Variants in SLC24A2 observed in about 807,000 individuals in gnomAD.
The protein encoded by SLC24A2 is solute carrier family 24 member 2, also known as sodium/potassium/calcium exchanger 2.
Under a neutral mutation model 62.0 loss-of-function variants are expected in SLC24A2, and 36 were observed. The observed-to-expected ratio is 0.58, with a 90% CI of 0.44 to 0.77. The LOEUF is 0.77. Among genes scored for constraint, SLC24A2 ranks in the 30% least tolerant of loss-of-function variants. The probability of loss-of-function intolerance (pLI) is 0.00; values close to 1 mark genes in which losing one functional copy is unlikely to be tolerated. For missense variants in SLC24A2, 846 were observed against 817.9 expected (o/e 1.03, Z -0.42); for synonymous variants, 358 against 294.0 (o/e 1.22, Z -2.23).
chr9:20,156,512 C>T, the SLC24A2 span, among the ~76,000 whole-genome samples: 1 of 151,738 alleles, frequency 6.6e-6, no homozygotes, highest in South Asian at 2.1e-4. Context: ...CTATTTGCAA[C>T]ATCTTTATTA....
chr9:19,521,130 C>G lies in SLC24A2; in HGVS notation c.1570-70G>C, dbSNP rs1833177676. 2.9e-6 allele frequency: 4 copies of G among 1,390,370 alleles called. No individual in the cohort carries two copies. In the South Asian group the frequency reaches 3.6e-5, roughly 12 times the overall value. 86.1% of individuals were successfully genotyped at this position (1,390,370 alleles called of 1,614,324 possible). On this transcript the variant is annotated intron_variant, in intron 9 of 10. Coordinates refer to ENST00000341998, the MANE Select transcript of SLC24A2 (RefSeq NM_020344.4). ...AAAATCATAAAAATCACAAAAATTT[C>G]AATGCGACCTCCTTTTAATGCATTT...
chr9:19,610,531 G>A (rs1365262884), intron 4 of SLC24A2, among the ~76,000 whole-genome samples: 2 of 152,212 alleles, frequency 1.3e-5, no homozygotes, highest in Non-Finnish European at 2.9e-5. Context: ...AGAGGAACAA[G>A]GAGATGGAAG....
the SLC24A2 span, among the ~76,000 whole-genome samples, chr9:19,897,213 C>G: frequency 2.6e-5 from 4 of 152,158 alleles, no homozygotes; most frequent in African/African-American, 9.7e-5. Context: ...TCTTATCTAC[C>G]TTTTTGCTTT....
the SLC24A2 span, among the ~76,000 whole-genome samples, chr9:19,947,347 CGGAAGGAA>C: frequency 4.8e-3 from 690 of 145,100 alleles, 8 homozygotes; most frequent in African/African-American, 0.017. Context: ...CTGTGGCTGC[CGGAAGGAA>C]GGAAGGAAGG....
chr9:19,823,345 T>G, the SLC24A2 span, among the ~76,000 whole-genome samples: 1 of 151,968 alleles, frequency 6.6e-6, no homozygotes, highest in African/African-American at 2.4e-5. Flanking sequence ...AAACACATAA[T>G]TTTGAACCCT....
At chr9:20,159,990 G>T in the SLC24A2 span, among the ~76,000 whole-genome samples, 1 of 151,288 alleles carries the variant, frequency 6.6e-6, no homozygotes, top group Non-Finnish European at 1.5e-5. Flanking sequence ...CTTATTAAAA[G>T]AAAATATTTT....
At chr9:20,216,154 G>T in the SLC24A2 span, among the ~76,000 whole-genome samples, 1 of 152,104 alleles carries the variant, frequency 6.6e-6, no homozygotes, top group Admixed American at 6.6e-5. Context: ...TGATATCAAC[G>T]GTGCCTTGGG....
At chr9:19,728,973 T>C (rs1316121372) in intron 2 of SLC24A2, among the ~76,000 whole-genome samples, 1 of 152,176 alleles carries the variant, frequency 6.6e-6, no homozygotes, top group East Asian at 1.9e-4. Flanking sequence ...GAGCCTGAGG[T>C]AGGCCATATT....
At chr9:19,886,472 T>A in the SLC24A2 span, among the ~76,000 whole-genome samples, 6 of 150,862 alleles carry the variant, frequency 4.0e-5, no homozygotes, top group Admixed American at 2.6e-4. Flanking sequence ...ACACCGCTGA[T>A]CATTAGAGAA....
At chr9:19,649,958 A>T (rs1262353169) in intron 2 of SLC24A2, among the ~76,000 whole-genome samples, 3 of 152,230 alleles carry the variant, frequency 2.0e-5, no homozygotes, top group Non-Finnish European at 4.4e-5. Flanking sequence ...CTCATGGCCA[A>T]GGAGCAAAAG....
At chr9:20,158,906 T>C in the SLC24A2 span, among the ~76,000 whole-genome samples, 3 of 151,702 alleles carry the variant, frequency 2.0e-5, no homozygotes, top group African/African-American at 7.3e-5. Flanking sequence ...ATTAGAAATA[T>C]TCTGATCAAG....
the SLC24A2 span, among the ~76,000 whole-genome samples, chr9:20,094,770 G>A: frequency 1.3e-5 from 2 of 151,950 alleles, no homozygotes; most frequent in Non-Finnish European, 2.9e-5. Flanking sequence ...AATTATTCAG[G>A]GAAACAATGT....
the SLC24A2 span, among the ~76,000 whole-genome samples, chr9:20,158,665 T>C: frequency 1.3e-5 from 2 of 151,294 alleles, no homozygotes; most frequent in South Asian, 4.2e-4. Flanking sequence ...TGAAAAAAGG[T>C]AGGGAAATAA....
At chr9:19,882,860 A>T in the SLC24A2 span, among the ~76,000 whole-genome samples, 4 of 152,158 alleles carry the variant, frequency 2.6e-5, no homozygotes, top group Non-Finnish European at 4.4e-5. Flanking sequence ...CTGCTGGGTG[A>T]AAAGGCTACT....
At chr9:19,521,109 T>G (rs765652622) in intron 9 of SLC24A2, 49 bp from the exon 10 acceptor site, 1 of 1,586,482 alleles carries the variant, frequency 6.3e-7, no homozygotes, top group South Asian at 1.1e-5. Context: ...AGTTACAAAA[T>G]CATAAAAATC....
chr9:19,658,300 C>A (rs572303486), intron 2 of SLC24A2, among the ~76,000 whole-genome samples: 1 of 152,268 alleles, frequency 6.6e-6, no homozygotes, highest in East Asian at 1.9e-4. Flanking sequence ...GGGAAGCTGG[C>A]TCATTTGAAG....
At chr9:19,994,354 T>C in the SLC24A2 span, among the ~76,000 whole-genome samples, 1 of 152,118 alleles carries the variant, frequency 6.6e-6, no homozygotes, top group African/African-American at 2.4e-5. Context: ...CCAGGGTAAT[T>C]ACCCATGCAC....
chr9:20,225,577 T>TATATATATAATATATATATAATATATA, the SLC24A2 span, among the ~76,000 whole-genome samples: 1 of 57,924 alleles, frequency 1.7e-5, no homozygotes, highest in African/African-American at 1.0e-4. Context: ...TATATATAAT[T>TATATATATAATATATATATAATATATA]TCATTTAAAG....
the SLC24A2 span, among the ~76,000 whole-genome samples, chr9:20,075,498 T>A: frequency 7.2e-5 from 11 of 152,158 alleles, no homozygotes; most frequent in Non-Finnish European, 1.3e-4. Flanking sequence ...AAGCCCAACA[T>A]TGTTAGACTG....
Sources: gnomAD v4.1 joint callset for allele counts (sites outside exome capture counted in the v4.1 genomes callset) on GRCh38, gnomAD v4.1.1 for gene constraint, MANE v1.5 for transcripts, NCBI Gene and HGNC (gene_info 2026-07-23, HGNC 2026-07-21) for gene names.